Variants in MTURN observed in about 807,000 individuals in gnomAD.
The protein encoded by MTURN is maturin, neural progenitor differentiation regulator homolog.
Under a neutral mutation model 14.9 loss-of-function variants are expected in MTURN, and 7 were observed. The ratio of observed to expected loss-of-function variants is 0.47; its 90% CI spans 0.27 to 0.88. The LOEUF (loss-of-function observed/expected upper bound fraction) is 0.88. MTURN is among the 40% of genes least tolerant of loss of function. The pLI, the probability that MTURN is intolerant of heterozygous loss-of-function variation, is 0.14. For missense variants in MTURN, 151 were observed against 174.1 expected, an observed-to-expected ratio of 0.87 and a Z score of 0.75; for synonymous variants, 69 against 72.5, an observed-to-expected ratio of 0.95 and a Z score of 0.25.
chr7:30,142,551 A>G (rs1797067100), intron 1 of MTURN, among the ~76,000 whole-genome samples: 1 of 152,224 alleles, frequency 6.6e-6, no homozygotes. Flanking sequence ...TGTTGGAAAT[A>G]CATATTCTCA....
chr7:30,143,347 C>G (rs1032646177), intron 1 of MTURN, among the ~76,000 whole-genome samples: 1 of 149,248 alleles, frequency 6.7e-6, no homozygotes, highest in Admixed American at 6.7e-5. Flanking sequence ...TATTTCCCTC[C>G]CTTTGTCCTT....
chr7:30,145,753 A>T, intron 1 of MTURN: 1 of 1,348,806 alleles, frequency 7.4e-7, no homozygotes, highest in Non-Finnish European at 9.9e-7. Context: ...GTTAATGCTT[A>T]CAAACTATGC....
intron 1 of MTURN, among the ~76,000 whole-genome samples, chr7:30,137,929 A>G (rs184167215): frequency 6.3e-4 from 95 of 151,988 alleles, no homozygotes; most frequent in African/African-American, 2.1e-3. Flanking sequence ...GTGCCAGGCC[A>G]GTGCTATCTA....
In MTURN at chr7:30,135,414, A is replaced by ACCCGCGC. The variant is rs962933888; in HGVS notation, c.162+130_162+136dup. ...GGTGGGCGCAGAGTGGGGGGCCGTA[A>ACCCGCGC]CCCGCGCCCCGCGCCCCGCGTGCTC... is the stretch of plus-strand genomic sequence containing the variant. On this transcript the variant is annotated intron_variant, in intron 1 of 2. Coordinates refer to ENST00000324453, the MANE Select transcript of MTURN (RefSeq NM_152793.3). 3.6e-5 allele frequency: 32 copies of ACCCGCGC among 884,340 alleles called. No individual in the cohort carries two copies. In the Middle Eastern group the frequency reaches 1.6e-3, roughly 45 times the overall value. The allele number at this position is 884,340 out of a possible 1,614,324, so 54.8% of individuals were successfully genotyped here. A position where few individuals can be genotyped will look rare whatever the true frequency, so the allele number is the denominator to read the frequency against.
chr7:30,153,314 A>G (rs572605525), intron 2 of MTURN, among the ~76,000 whole-genome samples: 4 of 152,342 alleles, frequency 2.6e-5, no homozygotes, highest in African/African-American at 9.6e-5. Context: ...AATTCCAGGC[A>G]GTCTATTTCT....
At chr7:30,145,633 A>G (rs1051780778) in intron 1 of MTURN, among the ~76,000 whole-genome samples, 15 of 152,232 alleles carry the variant, frequency 9.9e-5, no homozygotes, top group African/African-American at 2.9e-4. Flanking sequence ...TTTGTTTTCC[A>G]GTGACATAGT....
At chr7:30,137,727 G>A (rs1796987929) in intron 1 of MTURN, 1 of 468,958 alleles carries the variant, frequency 2.1e-6, no homozygotes, top group South Asian at 1.6e-5. Flanking sequence ...TCTAATAAGT[G>A]TCCTGCCTTA....
Position 30,135,330 on chromosome 7 carries a change from G to A in MTURN, c.162+32G>A. The A allele has an allele frequency of 3.4e-6, 5 of 1,485,524 alleles. No homozygotes were observed. In the South Asian group the frequency reaches 5.1e-5, roughly 15 times the overall value. 92.0% of individuals were successfully genotyped at this position (1,485,524 alleles called of 1,614,324 possible). A position where few individuals can be genotyped will look rare whatever the true frequency, so the allele number is the denominator to read the frequency against. On this transcript the variant is annotated intron_variant, in intron 1 of 2. Coordinates refer to ENST00000324453, the MANE Select transcript of MTURN (RefSeq NM_152793.3). ...GCCTGGAGGAGGGACCGCCGGAGCC[G>A]GCGGGAGTGTGGACGCGGCGGTGCG...
intron 2 of MTURN, among the ~76,000 whole-genome samples, chr7:30,147,669 T>G (rs1338905691): frequency 1.3e-5 from 2 of 152,226 alleles, no homozygotes; most frequent in Non-Finnish European, 2.9e-5. Flanking sequence ...TTTAAGAAGG[T>G]ATTTTTCATA....
Position 30,157,423 on chromosome 7 carries a change from G to A in MTURN, c.286-15G>A, listed in dbSNP as rs1278104840. On this transcript the variant is annotated splice_polypyrimidine_tract_variant and intron_variant, in intron 2 of 2. Coordinates refer to ENST00000324453, the MANE Select transcript of MTURN (RefSeq NM_152793.3). ...TGGCGCTCACAGCTGCTTTTCTCTT[G>A]TTCTCTCCCTGTAGTTACTGGGGCT... 1 of 1,566,556 alleles carries A rather than the reference G, an allele frequency of 6.4e-7. No homozygotes were observed. Among genetic ancestry groups the A allele is most frequent in the East Asian group, 2.4e-5 (1 of 41,296 alleles).
At position 30,135,216 on chromosome 7, in the gene MTURN, C is replaced by A; in HGVS notation, c.80C>A (p.Thr27Asn). The A allele has an allele frequency of 1.3e-6, 2 of 1,517,996 alleles. No homozygotes were observed. The highest frequency in any genetic ancestry group is 1.2e-5 in the South Asian group (1 of 82,470). The allele number at this position is 1,517,996 out of a possible 1,614,324, so 94.0% of individuals were successfully genotyped here. ...TPFELIATEE[T>N]ERRMDFYADP... ...TTCGAGCTCATCGCCACCGAGGAGA[C>A]CGAACGCAGGATGGATTTCTACGCC... Residue 27 changes from threonine to asparagine, a missense_variant, in exon 1 of 3, where the codon ACC becomes AAC. Thr to Asn is a moderately conservative substitution (Grantham distance 65, BLOSUM62 0). Transcript: ENST00000324453.
intron 2 of MTURN, among the ~76,000 whole-genome samples, chr7:30,155,315 G>A (rs561661129): frequency 1.1e-4 from 17 of 152,254 alleles, no homozygotes; most frequent in East Asian, 9.6e-4. Context: ...TGGTGGTGGC[G>A]ATAGTATTTA....
In MTURN at chr7:30,137,209, C is replaced by T. The variant is rs572801185; in HGVS notation, c.162+1911C>T. ...GGCTAGGGTCCCTTCCAGCTCTGGG[C>T]TTCCTTCATCTGCCAGCGCCCTTTC... On this transcript the variant is annotated intron_variant, in intron 1 of 2. Coordinates refer to ENST00000324453, the MANE Select transcript of MTURN (RefSeq NM_152793.3). 7.4e-5 allele frequency: 12 copies of T among 161,924 alleles called. No homozygotes were observed. In the South Asian group the frequency reaches 8.2e-4, roughly 11 times the overall value. 10.0% of individuals were successfully genotyped at this position (161,924 alleles called of 1,614,324 possible). A position where few individuals can be genotyped will look rare whatever the true frequency, so the allele number is the denominator to read the frequency against.
chr7:30,135,117 G>T lies in MTURN; in HGVS notation c.-20G>T. ...GGAGCGGGAGGGCGGGCGGCGGCGGGAGGCGGGCGCGGGGCCGCGATGGAT... is the reference window on the plus strand; with the variant it reads ...GGAGCGGGAGGGCGGGCGGCGGCGGTAGGCGGGCGCGGGGCCGCGATGGAT... On this transcript the variant is annotated 5_prime_UTR_variant, in exon 1 of 3. Transcript: ENST00000324453. The T allele has an allele frequency of 7.0e-7, 1 of 1,421,222 alleles. No homozygotes were observed. Among genetic ancestry groups the T allele is most frequent in the South Asian group, 1.3e-5 (1 of 75,114 alleles). 88.0% of individuals were successfully genotyped at this position (1,421,222 alleles called of 1,614,324 possible). A position where few individuals can be genotyped will look rare whatever the true frequency, so the allele number is the denominator to read the frequency against.
chr7:30,143,383 C>T (rs1402096541), intron 1 of MTURN, among the ~76,000 whole-genome samples: 4 of 146,284 alleles, frequency 2.7e-5, no homozygotes, highest in Non-Finnish European at 6.0e-5. Context: ...CAATGACAGA[C>T]TTAATTTTTA....
chr7:30,157,655 T>G lies in MTURN; in HGVS notation c.*107T>G. On this transcript the variant is annotated 3_prime_UTR_variant, in exon 3 of 3. Transcript: ENST00000324453. ...CATTAGCACTTCGAAATAGGACATCTGGCTCCCAGCATCCAAATTAAAATG... is the reference window on the plus strand; with the variant it reads ...CATTAGCACTTCGAAATAGGACATCGGGCTCCCAGCATCCAAATTAAAATG... 1 of 651,888 alleles carries G rather than the reference T, an allele frequency of 1.5e-6. No homozygotes were observed. Among genetic ancestry groups the G allele is most frequent in the Non-Finnish European group, 2.5e-6 (1 of 398,944 alleles). 40.4% of individuals were successfully genotyped at this position (651,888 alleles called of 1,614,324 possible).
chr7:30,151,403 G>T (rs959629945), intron 2 of MTURN, among the ~76,000 whole-genome samples: 1 of 152,326 alleles, frequency 6.6e-6, no homozygotes, highest in African/African-American at 2.4e-5. Flanking sequence ...TTGAGCTGGA[G>T]AATGAAACAA....
chr7:30,160,779 GA>G lies in MTURN; in HGVS notation c.*3233del, dbSNP rs958159663. ...ATCACCATATCGAGCAGACGTCAAG[GA>G]ATCAGAGTGAAGTACGGAGCCAGGG... On this transcript the variant is annotated 3_prime_UTR_variant, in exon 3 of 3. Transcript: ENST00000324453. 2 of 152,208 alleles carry G rather than the reference GA, an allele frequency of 1.3e-5. No homozygotes were observed. Among genetic ancestry groups the G allele is most frequent in the African/African-American group, 4.8e-5 (2 of 41,440 alleles). 9.4% of individuals were successfully genotyped at this position (152,208 alleles called of 1,614,324 possible).
At position 30,157,516 on chromosome 7, in the gene MTURN, G is replaced by T; in HGVS notation, c.364G>T (p.Asp122Tyr). 6.2e-7 allele frequency: 1 copy of T among 1,604,872 alleles called. No homozygotes were observed. The highest frequency in any genetic ancestry group is 1.1e-5 in the South Asian group (1 of 89,630). The change falls in exon 3 of 3, where the codon GAC becomes TAC. Residue 122 changes from aspartate (D) to tyrosine (Y), a missense_variant. Physicochemically the swap from Asp to Tyr is radical, Grantham distance 160. Coordinates refer to ENST00000324453, the MANE Select transcript of MTURN (RefSeq NM_152793.3). ...CGTGGAAGAAGAGGAGCCAGAGGCG[G>T]ACCACCCCCAGATGGGGGTCAGCCA... Reference protein sequence around the residue: ...ADVEEEEPEADHPQMGVSQQ With the variant: ...ADVEEEEPEAYHPQMGVSQQ
Sources: gnomAD v4.1 joint callset for allele counts (sites outside exome capture counted in the v4.1 genomes callset) on GRCh38, gnomAD v4.1.1 for gene constraint, MANE v1.5 for transcripts, NCBI Gene and HGNC (gene_info 2026-07-23, HGNC 2026-07-21) for gene names.